NRG3: variants seen among roughly 807,000 people sequenced by gnomAD.
NRG3 encodes pro-neuregulin-3, membrane-bound isoform.
NRG3 carries 31 observed loss-of-function variants against 66.9 expected under a neutral mutation model. The ratio of observed to expected loss-of-function variants is 0.46; its 90% CI spans 0.35 to 0.63. The LOEUF (loss-of-function observed/expected upper bound fraction) is 0.63. Among genes scored for constraint, NRG3 ranks in the 20% least tolerant of loss-of-function variants. The pLI, the probability that NRG3 is intolerant of heterozygous loss-of-function variation, is 0.00. For synonymous variants in NRG3, 393 were observed against 359.4 expected (o/e 1.09, Z -1.06); for missense variants, 910 against 878.9 (o/e 1.04, Z -0.45).
chr10:82,015,821 C>A (rs2132682559), intron 1 of NRG3, among the ~76,000 whole-genome samples: 1 of 151,490 alleles, frequency 6.6e-6, no homozygotes, highest in East Asian at 1.9e-4. Flanking sequence ...TTTCTCTAAA[C>A]CTTAGTTTTC....
rs200088642 is a variant in NRG3 at position 82,637,832 on chromosome 10, C to T, written c.954-100745C>T. Among the ~76,000 whole-genome samples, 24 of 152,224 alleles carry T rather than the reference C, an allele frequency of 1.6e-4. No homozygotes were observed. The East Asian group carries it at 3.7e-3, about 23-fold the overall frequency. On this transcript the variant is annotated intron_variant, in intron 2 of 8. Transcript: ENST00000372141. Reference sequence around the variant, plus strand: ...AGAATCTGAAAATTAGATGATAGCCCTGTGGTAAAGTTAATTTCCCAGAGC... The same window carrying T: ...AGAATCTGAAAATTAGATGATAGCCTTGTGGTAAAGTTAATTTCCCAGAGC...
At position 82,245,356 on chromosome 10, in the gene NRG3, G is replaced by C. The variant is rs569051872; in HGVS notation, c.824-113383G>C. On this transcript the variant is annotated intron_variant, in intron 1 of 8. Transcript: ENST00000372141. ...GCAATGGGCAGTGGCTGTAAATACA[G>C]ATGAAGCTTTGCTCACTCACCAGCA... is the stretch of plus-strand genomic sequence containing the variant. Among the ~76,000 whole-genome samples the C allele has an allele frequency of 3.2e-4, 49 of 152,296 alleles. 1 individual carries two copies. The South Asian group carries it at 9.9e-3, about 31-fold the overall frequency.
chr10:82,339,649 A>C (rs1201096077), intron 1 of NRG3, among the ~76,000 whole-genome samples: 1 of 152,090 alleles, frequency 6.6e-6, no homozygotes, highest in Non-Finnish European at 1.5e-5. Flanking sequence ...AAAATTTTTA[A>C]ATTTCTATTT....
intron 2 of NRG3, among the ~76,000 whole-genome samples, chr10:82,454,500 A>G (rs1394970476): frequency 6.6e-6 from 1 of 152,252 alleles, no homozygotes; most frequent in African/African-American, 2.4e-5. Flanking sequence ...TCAAGGAGAC[A>G]AAACAAAAAG....
chr10:81,956,483 C>T (rs1006317720), intron 1 of NRG3, among the ~76,000 whole-genome samples: 2 of 152,166 alleles, frequency 1.3e-5, no homozygotes, highest in African/African-American at 4.8e-5. Flanking sequence ...ATTTGTTATG[C>T]AGCTTTAGTG....
intron 2 of NRG3, among the ~76,000 whole-genome samples, chr10:82,683,286 C>T (rs2054257739): frequency 3.3e-5 from 5 of 151,954 alleles, no homozygotes; most frequent in Admixed American, 2.6e-4. Context: ...CTCCCTCCCT[C>T]CCTTTATCTT....
chr10:82,665,816 T>G (rs1474275340), intron 2 of NRG3, among the ~76,000 whole-genome samples: 1 of 152,166 alleles, frequency 6.6e-6, no homozygotes, highest in Admixed American at 6.5e-5. Flanking sequence ...TGACTTTTCT[T>G]TTCCCTGGGC....
intron 2 of NRG3, among the ~76,000 whole-genome samples, chr10:82,519,383 T>C (rs2132524498): frequency 6.6e-6 from 1 of 152,316 alleles, no homozygotes; most frequent in East Asian, 1.9e-4. Flanking sequence ...CCAACCAACC[T>C]TAAAAGTCAT....
chr10:82,706,843 A>T (rs143266685), intron 2 of NRG3, among the ~76,000 whole-genome samples: 2,467 of 151,776 alleles, frequency 0.016, 31 homozygotes, highest in Non-Finnish European at 0.024. Flanking sequence ...AAAATGCAAA[A>T]ATTAGCCAGG....
intron 3 of NRG3, among the ~76,000 whole-genome samples, chr10:82,756,734 C>G (rs116613068): frequency 0.032 from 4,809 of 151,626 alleles, 268 homozygotes; most frequent in African/African-American, 0.11. Flanking sequence ...AACAGTGAAA[C>G]AAACTGGACC....
At chr10:82,391,439 G>A (rs2086357989) in intron 2 of NRG3, among the ~76,000 whole-genome samples, 1 of 152,196 alleles carries the variant, frequency 6.6e-6, no homozygotes. Context: ...CAGGCAGTGT[G>A]TCAGCTCTGC....
At chr10:82,202,111 C>T (rs1471912268) in intron 1 of NRG3, among the ~76,000 whole-genome samples, 1 of 152,154 alleles carries the variant, frequency 6.6e-6, no homozygotes, top group Non-Finnish European at 1.5e-5. Flanking sequence ...TGGGTTGTGA[C>T]ATTTGCCCAC....
intron 4 of NRG3, among the ~76,000 whole-genome samples, chr10:82,867,807 C>T (rs774683020): frequency 1.3e-5 from 2 of 152,060 alleles, no homozygotes; most frequent in Non-Finnish European, 2.9e-5. Context: ...CCACAAATTA[C>T]TGAAAATCAT....
At chr10:82,579,856 G>A (rs1338405569) in intron 2 of NRG3, among the ~76,000 whole-genome samples, 4 of 151,896 alleles carry the variant, frequency 2.6e-5, no homozygotes, top group African/African-American at 7.2e-5. Context: ...TATCTGTATA[G>A]TAATAGTCAA....
intron 1 of NRG3, among the ~76,000 whole-genome samples, chr10:81,903,742 A>C (rs2132675515): frequency 6.6e-6 from 1 of 152,302 alleles, no homozygotes; most frequent in East Asian, 1.9e-4. Context: ...CTGTTGTTTC[A>C]GGGCGATGGT....
At chr10:82,178,800 G>A (rs543527332) in intron 1 of NRG3, among the ~76,000 whole-genome samples, 316 of 152,174 alleles carry the variant, frequency 2.1e-3, no homozygotes, top group African/African-American at 7.4e-3. Context: ...ACTTCATAGT[G>A]TTTTCCATAG....
At chr10:82,501,409 C>G (rs1381507528) in intron 2 of NRG3, among the ~76,000 whole-genome samples, 1 of 152,140 alleles carries the variant, frequency 6.6e-6, no homozygotes, top group African/African-American at 2.4e-5. Context: ...CTGCCAAGGG[C>G]TCCCTGTTAC....
At chr10:82,399,638 C>T (rs1163489423) in intron 2 of NRG3, among the ~76,000 whole-genome samples, 1 of 152,162 alleles carries the variant, frequency 6.6e-6, no homozygotes, top group African/African-American at 2.4e-5. Context: ...AAATCCCTTC[C>T]TCTTCTTAAA....
At chr10:82,419,778 ATC>A (rs1228836229) in intron 2 of NRG3, among the ~76,000 whole-genome samples, 1 of 152,132 alleles carries the variant, frequency 6.6e-6, no homozygotes, top group African/African-American at 2.4e-5. Context: ...CAGTGACATG[ATC>A]TTTTAGAGTT....
Sources: gnomAD v4.1 joint callset for allele counts (sites outside exome capture counted in the v4.1 genomes callset) on GRCh38, gnomAD v4.1.1 for gene constraint, MANE v1.5 for transcripts, NCBI Gene and HGNC (gene_info 2026-07-23, HGNC 2026-07-21) for gene names.